Variants in AOPEP observed in about 807,000 individuals in gnomAD.
AOPEP encodes aminopeptidase O.
In AOPEP, 77 loss-of-function variants were observed where a neutral mutation model predicts 98.1. The ratio of observed to expected loss-of-function variants is 0.78; its 90% confidence interval spans 0.65 to 0.95. The LOEUF (loss-of-function observed/expected upper bound fraction) is 0.95, where lower values mean the gene tolerates loss of function less well. Among genes scored for constraint, AOPEP ranks in the 40% least tolerant of loss-of-function variants. The probability of loss-of-function intolerance (pLI) is 0.00; values close to 1 mark genes in which losing one functional copy is unlikely to be tolerated. For synonymous variants in AOPEP, 346 were observed against 365.3 expected, an observed-to-expected ratio of 0.95 and a Z score of 0.60; for missense variants, 1,024 against 1,024.7, an observed-to-expected ratio of 1.00 and a Z score of 0.01.
chr9:95,095,457 C>T, the AOPEP span, among the ~76,000 whole-genome samples: 26 of 152,336 alleles, frequency 1.7e-4, 1 homozygote, highest in South Asian at 5.4e-3. Flanking sequence ...TGTTTCCTTA[C>T]TGATGTGTAG....
intron 5 of AOPEP, among the ~76,000 whole-genome samples, chr9:94,823,417 T>C (rs1853722706): frequency 6.6e-6 from 1 of 152,254 alleles, no homozygotes; most frequent in Non-Finnish European, 1.5e-5. Flanking sequence ...TTCAGACTAG[T>C]CTGCATGTCC....
intron 5 of AOPEP, among the ~76,000 whole-genome samples, chr9:94,883,076 C>T (rs1292421294): frequency 6.6e-6 from 1 of 152,170 alleles, no homozygotes; most frequent in Non-Finnish European, 1.5e-5. Context: ...GAGCTGAGAA[C>T]ACAAGTCAGT....
intron 7 of AOPEP, among the ~76,000 whole-genome samples, chr9:94,951,177 C>A (rs10821415): frequency 0.35 from 52,621 of 152,144 alleles, 9,885 homozygotes; most frequent in Non-Finnish European, 0.43. Flanking sequence ...AAGAAATAAA[C>A]ACCAGAGTGT....
At chr9:94,772,535 G>T (rs1168046340) in intron 2 of AOPEP, among the ~76,000 whole-genome samples, 1 of 152,122 alleles carries the variant, frequency 6.6e-6, no homozygotes, top group Non-Finnish European at 1.5e-5. Flanking sequence ...AAGATTGGGG[G>T]TATCTGCCTG....
chr9:95,029,550 C>T (rs561385244), intron 13 of AOPEP, among the ~76,000 whole-genome samples: 12 of 152,286 alleles, frequency 7.9e-5, no homozygotes, highest in Non-Finnish European at 1.3e-4. Flanking sequence ...CACTCCTTCA[C>T]CCCCAGAATT....
chr9:94,848,450 T>C (rs1330381022), intron 5 of AOPEP, among the ~76,000 whole-genome samples: 2 of 16,496 alleles, frequency 1.2e-4, no homozygotes, highest in Non-Finnish European at 3.1e-4. Flanking sequence ...AGACTCCGTC[T>C]CAAAAAAAAA....
At chr9:94,783,714 A>C (rs1027088066) in intron 3 of AOPEP, among the ~76,000 whole-genome samples, 1 of 152,086 alleles carries the variant, frequency 6.6e-6, no homozygotes, top group East Asian at 1.9e-4. Flanking sequence ...AAAATATATG[A>C]TATATACATT....
intron 13 of AOPEP, among the ~76,000 whole-genome samples, chr9:95,042,105 G>A (rs555367130): frequency 6.6e-6 from 1 of 152,264 alleles, no homozygotes; most frequent in African/African-American, 2.4e-5. Context: ...GAGGTCAGGA[G>A]ATCAAGACCA....
the AOPEP span, chr9:95,110,207 A>G: frequency 6.1e-6 from 6 of 981,418 alleles, no homozygotes; most frequent in Non-Finnish European, 6.1e-6. Flanking sequence ...AGATGTGCCA[A>G]TGTAGAACTT....
intron 13 of AOPEP, among the ~76,000 whole-genome samples, chr9:95,025,851 C>G (rs1164705774): frequency 6.6e-6 from 1 of 152,172 alleles, no homozygotes; most frequent in South Asian, 2.1e-4. Context: ...TGGTCATGAT[C>G]ATCACTGGAC....
the AOPEP span, chr9:95,149,839 C>T: frequency 6.9e-7 from 1 of 1,451,014 alleles, no homozygotes; most frequent in East Asian, 2.5e-5. Context: ...TTGGACACTG[C>T]TGTCGTACAG....
At chr9:94,741,354 G>C (rs1034072849) in intron 1 of AOPEP, among the ~76,000 whole-genome samples, 6 of 151,676 alleles carry the variant, frequency 4.0e-5, no homozygotes, top group African/African-American at 1.2e-4. Context: ...CTCACTGCAA[G>C]CTCCGCCTCC....
rs768407143 is a variant in AOPEP at position 94,789,752 on chromosome 9, G to C, written c.965-3013G>C. Among the ~76,000 whole-genome samples the C allele has an allele frequency of 3.3e-5, 5 of 152,292 alleles. No homozygotes were observed. The Middle Eastern group carries it at 0.01, about 311-fold the overall frequency. ...GTCCCTACCTCCTTCTACTGGCTTG[G>C]AATCAGAGCAGTGATTCTCTTTGAG... On this transcript the variant is annotated intron_variant, in intron 3 of 16. Coordinates refer to ENST00000375315, the MANE Select transcript of AOPEP (RefSeq NM_001193329.3).
chr9:95,060,748 C>T lies in AOPEP; in HGVS notation c.2170C>T (p.Leu724=). ...LLEHLLEQKT[L]SPRTLQSLQR... is the part of the protein sequence containing the mutation. ...GGAGCATCTCTTGGAGCAGAAGACT[C>T]TGAGCCCCCGAACTCTGCAAAGCCT... The change falls in exon 14 of 17, where the codon CTG becomes TTG. Residue 724 remains leucine (L), a synonymous_variant. Coordinates refer to ENST00000375315, the MANE Select transcript of AOPEP (RefSeq NM_001193329.3). 6.2e-7 allele frequency: 1 copy of T among 1,614,190 alleles called. No individual in the cohort carries two copies. The highest frequency in any genetic ancestry group is 8.5e-7 in the Non-Finnish European group (1 of 1,180,012).
chr9:95,042,488 A>T (rs767804907), intron 13 of AOPEP, among the ~76,000 whole-genome samples: 6 of 152,210 alleles, frequency 3.9e-5, no homozygotes, highest in Non-Finnish European at 8.8e-5. Flanking sequence ...ACAAATTACT[A>T]CAAATATTGT....
intron 11 of AOPEP, among the ~76,000 whole-genome samples, chr9:94,990,020 G>C (rs2060793211): frequency 6.6e-6 from 1 of 152,180 alleles, no homozygotes; most frequent in South Asian, 2.1e-4. Flanking sequence ...CCCTGCCCAT[G>C]AGCTCATGGT....
intron 3 of AOPEP, among the ~76,000 whole-genome samples, chr9:94,785,730 G>A (rs1416161895): frequency 6.6e-6 from 1 of 152,242 alleles, no homozygotes; most frequent in Non-Finnish European, 1.5e-5. Flanking sequence ...GTTAATTCAA[G>A]TACAGTGTGT....
intron 14 of AOPEP, among the ~76,000 whole-genome samples, chr9:95,076,547 C>T (rs78102987): frequency 0.013 from 1,927 of 152,198 alleles, 42 homozygotes; most frequent in African/African-American, 0.043. Flanking sequence ...TCATGGGAAT[C>T]GTAAGTCAAG....
chr9:94,985,680 A>G (rs980279009), intron 11 of AOPEP, among the ~76,000 whole-genome samples: 1 of 152,206 alleles, frequency 6.6e-6, no homozygotes, highest in Non-Finnish European at 1.5e-5. Flanking sequence ...TGCTTCTTTT[A>G]TATCTATAAT....
Sources: gnomAD v4.1 joint callset for allele counts (sites outside exome capture counted in the v4.1 genomes callset) on GRCh38, gnomAD v4.1.1 for gene constraint, MANE v1.5 for transcripts, NCBI Gene and HGNC (gene_info 2026-07-23, HGNC 2026-07-21) for gene names.